Variants in RAB30 observed in about 807,000 individuals in gnomAD.
The protein encoded by RAB30 is ras-related protein Rab-30.
RAB30 carries 9 observed loss-of-function variants against 25.1 expected under a neutral mutation model. The ratio of observed to expected loss-of-function variants is 0.36; its 90% confidence interval spans 0.22 to 0.63. The LOEUF (loss-of-function observed/expected upper bound fraction) is 0.63. Among genes scored for constraint, RAB30 ranks in the 20% least tolerant of loss-of-function variants. The pLI is 0.69. For missense variants in RAB30, 140 were observed against 243.5 expected (o/e 0.58, Z 2.83); for synonymous variants, 77 against 86.4 (o/e 0.89, Z 0.60).
chr11:83,004,059 AC>A (rs1434938076), intron 1 of RAB30, among the ~76,000 whole-genome samples: 2 of 152,208 alleles, frequency 1.3e-5, no homozygotes, highest in East Asian at 3.9e-4. Context: ...AGGCCAGTTA[AC>A]TTCATTTAAC....
chr11:83,033,823 G>A (rs576711239), intron 1 of RAB30, among the ~76,000 whole-genome samples: 12 of 152,048 alleles, frequency 7.9e-5, no homozygotes, highest in Non-Finnish European at 1.5e-4. Context: ...CCAACCTCAA[G>A]CCCCTTGGGC....
At chr11:83,010,371 A>G (rs1216956829) in intron 1 of RAB30, among the ~76,000 whole-genome samples, 1 of 152,152 alleles carries the variant, frequency 6.6e-6, no homozygotes, top group Non-Finnish European at 1.5e-5. Context: ...AGATCTCTTG[A>G]GCCTAGAAGT....
rs139605163 is a variant in RAB30, at chr11:82,986,160, A to G, written c.361+1427T>C. 1.9e-3 allele frequency among the ~76,000 whole-genome samples: 288 copies of G among 152,348 alleles called. 3 individuals are homozygous for G. Among genetic ancestry groups the G allele is most frequent in the African/African-American group, 6.5e-3 (272 of 41,578 alleles). On this transcript the variant is annotated intron_variant, in intron 4 of 4. Coordinates refer to ENST00000527633, the MANE Select transcript of RAB30 (RefSeq NM_001286060.2). ...CTTTTTAAAAATCTATTAGAGATAT[A>G]CACAGATATTGAAACATGAATTAAT...
chr11:82,988,010 GTTT>G (rs1402985731), intron 3 of RAB30, among the ~76,000 whole-genome samples: 1 of 114,270 alleles, frequency 8.8e-6, no homozygotes, highest in African/African-American at 3.3e-5. Context: ...GTTTTGTTTT[GTTT>G]TTTCTTTGTT....
intron 1 of RAB30, among the ~76,000 whole-genome samples, chr11:83,039,611 T>C (rs1303787633): frequency 6.6e-6 from 1 of 152,108 alleles, no homozygotes; most frequent in African/African-American, 2.4e-5. Flanking sequence ...CCTGGAATGT[T>C]GAGGCTTCAG....
At chr11:83,070,508 CCTT>C (rs1858811527) in intron 1 of RAB30, among the ~76,000 whole-genome samples, 1 of 152,160 alleles carries the variant, frequency 6.6e-6, no homozygotes. Context: ...TGGCATTTCT[CCTT>C]CTTTTGACAT....
chr11:83,024,788 G>A (rs1324147931), intron 1 of RAB30, among the ~76,000 whole-genome samples: 4 of 152,214 alleles, frequency 2.6e-5, no homozygotes, highest in East Asian at 1.9e-4. Flanking sequence ...TGCTGCCTAC[G>A]ATGTACCCCT....
chr11:83,038,966 T>C (rs1489717687), intron 1 of RAB30: 1 of 152,228 alleles, frequency 6.6e-6, no homozygotes, highest in Admixed American at 6.5e-5. Flanking sequence ...ACTATTGTTA[T>C]TCCATTGTAA....
At chr11:83,061,129 G>T (rs539963332) in intron 1 of RAB30, among the ~76,000 whole-genome samples, 1 of 152,124 alleles carries the variant, frequency 6.6e-6, no homozygotes, top group African/African-American at 2.4e-5. Context: ...GCATCCCAGG[G>T]TCTCCAGCTC....
intron 1 of RAB30, among the ~76,000 whole-genome samples, chr11:83,018,794 A>C (rs1857498443): frequency 6.6e-6 from 1 of 152,126 alleles, no homozygotes; most frequent in Non-Finnish European, 1.5e-5. Flanking sequence ...AGTTTTACTG[A>C]TGATATTGTC....
chr11:82,991,336 C>CA (rs757858467), intron 3 of RAB30, among the ~76,000 whole-genome samples: 1 of 151,566 alleles, frequency 6.6e-6, no homozygotes, highest in Non-Finnish European at 1.5e-5. Flanking sequence ...CCCATCTCTA[C>CA]AAAAAATAAA....
intron 1 of RAB30, among the ~76,000 whole-genome samples, chr11:83,002,487 T>C (rs1857107113): frequency 6.6e-6 from 1 of 151,758 alleles, no homozygotes; most frequent in South Asian, 2.1e-4. Flanking sequence ...TAAGTGGATA[T>C]ATGGATAAGA....
At chr11:83,010,542 TC>T (rs976927441) in intron 1 of RAB30, among the ~76,000 whole-genome samples, 29 of 152,246 alleles carry the variant, frequency 1.9e-4, no homozygotes, top group East Asian at 5.8e-4. Context: ...TTCCTTTTTT[TC>T]ATATTTATAT....
chr11:83,011,775 AGC>A (rs1857308938), intron 1 of RAB30, among the ~76,000 whole-genome samples: 1 of 152,086 alleles, frequency 6.6e-6, no homozygotes, highest in Non-Finnish European at 1.5e-5. Context: ...AGACTCTGGT[AGC>A]TGGGCAGCAG....
chr11:83,045,287 T>C (rs1261186164), intron 1 of RAB30, among the ~76,000 whole-genome samples: 1 of 152,126 alleles, frequency 6.6e-6, no homozygotes, highest in African/African-American at 2.4e-5. Context: ...CATCCACAAC[T>C]GTGCCCATAT....
intron 2 of RAB30, among the ~76,000 whole-genome samples, chr11:82,995,182 G>A (rs542066214): frequency 3.9e-5 from 6 of 152,202 alleles, no homozygotes; most frequent in East Asian, 1.9e-4. Context: ...TAAAATGGAC[G>A]TTATTAGTTC....
intron 1 of RAB30, among the ~76,000 whole-genome samples, chr11:83,062,004 C>T (rs1442414112): frequency 3.3e-5 from 5 of 152,042 alleles, no homozygotes; most frequent in Admixed American, 1.3e-4. Flanking sequence ...ACTCTTCCCC[C>T]GTGCCTGAAA....
At chr11:82,993,969 T>A in intron 3 of RAB30, 70 bp downstream of exon 3, 1 of 1,217,334 alleles carries the variant, frequency 8.2e-7, no homozygotes, top group South Asian at 1.3e-5. Context: ...AATAAATGGT[T>A]ATGAAAGCAG....
At chr11:82,999,534 T>A (rs1328562015) in intron 1 of RAB30, among the ~76,000 whole-genome samples, 1 of 152,196 alleles carries the variant, frequency 6.6e-6, no homozygotes, top group East Asian at 1.9e-4. Flanking sequence ...CCAAACTCCT[T>A]AAAAGGATTC....
Sources: allele counts gnomAD v4.1 joint callset (sites outside exome capture counted in the v4.1 genomes callset), GRCh38; gene constraint gnomAD v4.1.1; transcripts MANE v1.5; gene names NCBI Gene and HGNC (gene_info 2026-07-23, HGNC 2026-07-21).